The following UBA6 variants were observed in gnomAD, a reference collection of about 807,000 sequenced individuals.
UBA6 encodes the protein ubiquitin like modifier activating enzyme 6, also known as ubiquitin-like modifier-activating enzyme 6.
In UBA6, 87 loss-of-function variants were observed where a neutral mutation model predicts 148.3. The ratio of observed to expected loss-of-function variants is 0.59; its 90% confidence interval spans 0.49 to 0.70. The LOEUF is 0.70. UBA6 is among the 30% of genes least tolerant of loss of function. UBA6 has a pLI of 0.00. For synonymous variants in UBA6, 376 were observed against 401.0 expected (o/e 0.94, Z 0.75); for missense variants, 1,186 against 1,241.2 (o/e 0.96, Z 0.67).
At chr4:67,680,599 A>C (rs1008439494) in intron 4 of UBA6, among the ~76,000 whole-genome samples, 1 of 152,202 alleles carries the variant, frequency 6.6e-6, no homozygotes, top group African/African-American at 2.4e-5. Context: ...ACATTTGGGA[A>C]AATTTGAACT....
intron 26 of UBA6, among the ~76,000 whole-genome samples, chr4:67,629,985 T>A (rs1370460755): frequency 2.0e-5 from 3 of 152,062 alleles, no homozygotes; most frequent in Non-Finnish European, 4.4e-5. Flanking sequence ...TCAATGAAGA[T>A]GATGTTTAAG....
intron 5 of UBA6, among the ~76,000 whole-genome samples, 180 bp downstream of exon 5, chr4:67,678,259 G>C (rs1054107351): frequency 6.7e-6 from 1 of 149,904 alleles, no homozygotes; most frequent in East Asian, 1.9e-4. Flanking sequence ...TCTAGATAAA[G>C]GAAATATTCT....
At chr4:67,624,724 T>G (rs1279566236) in intron 29 of UBA6, among the ~76,000 whole-genome samples, 1 of 152,100 alleles carries the variant, frequency 6.6e-6, no homozygotes, top group Non-Finnish European at 1.5e-5. Context: ...TTTGTATGAA[T>G]GACGTAAAGA....
rs1288805311 is a variant in UBA6 at position 67,646,787 on chromosome 4, T to C, written c.1253A>G (p.Tyr418Cys). The stretch of plus-strand genomic sequence containing the variant: ...TTCAACAATATCTGCTGCTTCAAGA[T>C]ATAACTTAAAGTAGAAGATTAAAAA... ...GKFSPLCQWLYLEAADIVESL... is the reference protein window; with the variant it reads ...GKFSPLCQWLCLEAADIVESL... Residue 418 changes from tyrosine (Y) to cysteine (C), a missense_variant, in exon 15 of 33, where the codon TAT becomes TGT. Transcript: ENST00000322244. 1.3e-6 allele frequency: 2 copies of C among 1,599,776 alleles called. No homozygotes were observed. The highest frequency in any genetic ancestry group is 1.7e-6 in the Non-Finnish European group (2 of 1,172,710).
At chr4:67,687,714 T>G (rs903740031) in intron 2 of UBA6, among the ~76,000 whole-genome samples, 1 of 152,164 alleles carries the variant, frequency 6.6e-6, no homozygotes, top group East Asian at 1.9e-4. Context: ...CTCCCAGTCA[T>G]AAGTTAGAAT....
chr4:67,625,738 A>G (rs943274971), intron 28 of UBA6, among the ~76,000 whole-genome samples: 1 of 151,952 alleles, frequency 6.6e-6, no homozygotes, highest in African/African-American at 2.4e-5. Flanking sequence ...TAAAATCTCA[A>G]AAGTTTGGAA....
In UBA6 at chr4:67,663,187, A is replaced by C; in HGVS notation, c.989T>G (p.Leu330Arg). ...TTTCTCCTGAAACTGGTCCAAGGCA[A>C]GCATAGCTGTGTGAATCTCTAAAGG... Reference protein sequence around the residue: ...EAPLEIHTAMLALDQFQEKYS... With the variant: ...EAPLEIHTAMRALDQFQEKYS... The change falls in exon 12 of 33, where the codon CTT becomes CGT. Residue 330 changes from leucine to arginine, a missense_variant. Coordinates refer to ENST00000322244, the MANE Select transcript of UBA6 (RefSeq NM_018227.6). 2 of 1,611,814 alleles carry C rather than the reference A, an allele frequency of 1.2e-6. No individual in the cohort carries two copies. Among genetic ancestry groups the C allele is most frequent in the Non-Finnish European group, 8.5e-7 (1 of 1,179,182 alleles).
At chr4:67,637,143 C>A (rs1012225381) in intron 19 of UBA6, among the ~76,000 whole-genome samples, 9 of 148,176 alleles carry the variant, frequency 6.1e-5, no homozygotes, top group African/African-American at 2.2e-4. Flanking sequence ...AAGTGAGGAG[C>A]GTCTCCGCCC....
chr4:67,662,361 T>A, intron 12 of UBA6, 106 bp from the exon 13 acceptor site: 1 of 961,060 alleles, frequency 1.0e-6, no homozygotes, highest in Non-Finnish European at 1.5e-6. Context: ...AATGTGGGAT[T>A]TTTGCCAACA....
At chr4:67,635,740 T>A (rs1260594211) in intron 19 of UBA6, among the ~76,000 whole-genome samples, 182 bp from the exon 20 acceptor site, 2 of 152,206 alleles carry the variant, frequency 1.3e-5, no homozygotes, top group Non-Finnish European at 1.5e-5. Flanking sequence ...TTCTGCAATA[T>A]ACATATACAT....
chr4:67,651,118 G>A (rs530628674), intron 13 of UBA6, among the ~76,000 whole-genome samples: 19 of 152,120 alleles, frequency 1.2e-4, no homozygotes, highest in African/African-American at 4.3e-4. Context: ...GAAGAAAACA[G>A]AAAACCAGAA....
chr4:67,658,562 G>A (rs781390661), intron 13 of UBA6, among the ~76,000 whole-genome samples: 21 of 152,128 alleles, frequency 1.4e-4, no homozygotes, highest in Non-Finnish European at 2.2e-4. Context: ...GGTGGGAAGA[G>A]GGGGCGGAAA....
intron 5 of UBA6, among the ~76,000 whole-genome samples, 197 bp downstream of exon 5, chr4:67,678,238 CTGAT>C (rs1730337428): frequency 6.7e-6 from 1 of 148,598 alleles, no homozygotes; most frequent in Non-Finnish European, 1.5e-5. Flanking sequence ...ATAACTATGA[CTGAT>C]TGGTGTTCTA....
chr4:67,700,220 G>C (rs1730944481), intron 1 of UBA6, among the ~76,000 whole-genome samples: 1 of 152,198 alleles, frequency 6.6e-6, no homozygotes, highest in Non-Finnish European at 1.5e-5. Context: ...ACAACACCAT[G>C]AAACTGAAAG....
At chr4:67,647,505 T>C (rs1428181677) in intron 14 of UBA6, among the ~76,000 whole-genome samples, 1 of 152,124 alleles carries the variant, frequency 6.6e-6, no homozygotes, top group Non-Finnish European at 1.5e-5. Flanking sequence ...TCAGCTTGGA[T>C]ATATAATCTA....
intron 29 of UBA6, among the ~76,000 whole-genome samples, chr4:67,624,744 A>C (rs1728826717): frequency 6.6e-6 from 1 of 152,142 alleles, no homozygotes; most frequent in Non-Finnish European, 1.5e-5. Flanking sequence ...ATCAGTGAAA[A>C]GATTATTGCC....
At chr4:67,671,146 A>G (rs1265243572) in intron 7 of UBA6, among the ~76,000 whole-genome samples, 1 of 152,158 alleles carries the variant, frequency 6.6e-6, no homozygotes, top group Non-Finnish European at 1.5e-5. Flanking sequence ...ATTAAAAGCA[A>G]TTTTTCTAAC....
At chr4:67,635,093 A>G (rs1729105278) in intron 20 of UBA6, among the ~76,000 whole-genome samples, 1 of 152,158 alleles carries the variant, frequency 6.6e-6, no homozygotes, top group Middle Eastern at 3.2e-3. Flanking sequence ...TACCTAATCT[A>G]AAATGACTCA....
At chr4:67,622,282 C>T (rs1394473246) in intron 32 of UBA6, among the ~76,000 whole-genome samples, 2 of 152,168 alleles carry the variant, frequency 1.3e-5, no homozygotes, top group African/African-American at 4.8e-5. Context: ...AAGGGAAAAC[C>T]TAGACTACTC....
Sources: gnomAD v4.1 joint callset for allele counts (sites outside exome capture counted in the v4.1 genomes callset) on GRCh38, gnomAD v4.1.1 for gene constraint, MANE v1.5 for transcripts, NCBI Gene and HGNC (gene_info 2026-07-23, HGNC 2026-07-21) for gene names.